Variants in SORCS3 observed in about 807,000 individuals in gnomAD.
SORCS3 encodes VPS10 domain-containing receptor SorCS3.
In SORCS3, 57 loss-of-function variants were observed where a neutral mutation model predicts 146.3. The ratio of observed to expected loss-of-function variants is 0.39; its 90% CI spans 0.31 to 0.49. The LOEUF (loss-of-function observed/expected upper bound fraction) is 0.49. SORCS3 is among the 20% of genes least tolerant of loss of function. The pLI is 0.92. For synonymous variants in SORCS3, 653 were observed against 618.5 expected (o/e 1.06, Z -0.83); for missense variants, 1,341 against 1,575.5 (o/e 0.85, Z 2.52).
intron 5 of SORCS3, among the ~76,000 whole-genome samples, chr10:105,076,026 G>T (rs925114838): frequency 1.3e-5 from 2 of 152,146 alleles, no homozygotes; most frequent in South Asian, 4.1e-4. Context: ...GTGCACATGT[G>T]TGCCTGTGTG....
chr10:105,153,214 T>G (rs2056180068), intron 9 of SORCS3, among the ~76,000 whole-genome samples: 1 of 152,136 alleles, frequency 6.6e-6, no homozygotes, highest in Non-Finnish European at 1.5e-5. Flanking sequence ...AATTATACAG[T>G]AGGTAACCTT....
At chr10:104,981,976 C>T (rs1327390210) in intron 4 of SORCS3, among the ~76,000 whole-genome samples, 1 of 152,130 alleles carries the variant, frequency 6.6e-6, no homozygotes, top group African/African-American at 2.4e-5. Context: ...TAGAATTGCC[C>T]ATAATTTTGA....
intron 1 of SORCS3, among the ~76,000 whole-genome samples, chr10:104,734,361 A>G (rs529079582): frequency 4.7e-4 from 71 of 152,324 alleles, no homozygotes; most frequent in Admixed American, 1.2e-3. Context: ...GGAGCTCTAG[A>G]AGAGAGCAAA....
chr10:105,207,471 G>C (rs190860519), intron 16 of SORCS3, among the ~76,000 whole-genome samples: 1 of 152,068 alleles, frequency 6.6e-6, no homozygotes, highest in Admixed American at 6.6e-5. Flanking sequence ...ATGTGTGTGT[G>C]TTTGCAGAAT....
intron 4 of SORCS3, among the ~76,000 whole-genome samples, chr10:105,003,669 C>T (rs779940882): frequency 1.3e-5 from 2 of 152,148 alleles, no homozygotes; most frequent in South Asian, 2.1e-4. Context: ...GCTTTTCCAG[C>T]GTCCTAGCAG....
intron 3 of SORCS3, among the ~76,000 whole-genome samples, chr10:104,961,683 G>T (rs1006453105): frequency 5.9e-5 from 9 of 152,306 alleles, no homozygotes; most frequent in Non-Finnish European, 1.0e-4. Flanking sequence ...TATGCAACTG[G>T]TAATGCCTTG....
chr10:105,261,450 G>T (rs1226194584), intron 25 of SORCS3, among the ~76,000 whole-genome samples: 1 of 152,190 alleles, frequency 6.6e-6, no homozygotes, highest in Non-Finnish European at 1.5e-5. Context: ...TGGCAGAATT[G>T]CAGAATCTCA....
At chr10:104,724,507 A>G (rs1453906529) in intron 1 of SORCS3, among the ~76,000 whole-genome samples, 1 of 151,824 alleles carries the variant, frequency 6.6e-6, no homozygotes, top group Non-Finnish European at 1.5e-5. Flanking sequence ...TATTTCCTGA[A>G]TCTGAATGTT....
chr10:105,249,404 C>A (rs2056886160), intron 22 of SORCS3, among the ~76,000 whole-genome samples: 1 of 152,122 alleles, frequency 6.6e-6, no homozygotes, highest in African/African-American at 2.4e-5. Flanking sequence ...GGGGACAAGG[C>A]AGACACACTG....
At chr10:105,133,115 AG>A (rs1431057770) in intron 7 of SORCS3, among the ~76,000 whole-genome samples, 6 of 152,178 alleles carry the variant, frequency 3.9e-5, no homozygotes, top group African/African-American at 1.4e-4. Context: ...CTGCCCCTGA[AG>A]GGCTGTGCGA....
chr10:104,919,239 T>A (rs1047880935), intron 3 of SORCS3, among the ~76,000 whole-genome samples: 16 of 152,212 alleles, frequency 1.1e-4, no homozygotes, highest in African/African-American at 3.6e-4. Flanking sequence ...TTTTGTTGTC[T>A]GGTCTGAGAA....
At chr10:104,773,550 A>C (rs2017275572) in intron 1 of SORCS3, among the ~76,000 whole-genome samples, 1 of 152,140 alleles carries the variant, frequency 6.6e-6, no homozygotes, top group South Asian at 2.1e-4. Flanking sequence ...TTACCAGCAC[A>C]CCACTGCCAG....
intron 7 of SORCS3, among the ~76,000 whole-genome samples, chr10:105,125,559 A>G (rs184075779): frequency 7.9e-5 from 12 of 152,182 alleles, no homozygotes; most frequent in African/African-American, 2.2e-4. Flanking sequence ...AGAACAACCT[A>G]CACTTTCTTA....
At chr10:104,763,738 C>T (rs557818076) in intron 1 of SORCS3, among the ~76,000 whole-genome samples, 1 of 152,150 alleles carries the variant, frequency 6.6e-6, no homozygotes, top group Non-Finnish European at 1.5e-5. Flanking sequence ...CCCAAAATCT[C>T]ATTTTGAATT....
chr10:104,706,067 G>A (rs767713572), intron 1 of SORCS3, among the ~76,000 whole-genome samples: 5 of 152,096 alleles, frequency 3.3e-5, no homozygotes, highest in Non-Finnish European at 5.9e-5. Flanking sequence ...GAGTGAGTAT[G>A]AAAGTCTCCC....
Position 105,201,130 on chromosome 10 carries a change from G to A in SORCS3, c.2138G>A (p.Cys713Tyr). The A allele has an allele frequency of 6.2e-7, 1 of 1,612,676 alleles. No homozygotes were observed. Among genetic ancestry groups the A allele is most frequent in the Non-Finnish European group, 8.5e-7 (1 of 1,179,302 alleles). ...TWHLLNQGEPCVMGERKIFKK... is the reference protein window; with the variant it reads ...TWHLLNQGEPYVMGERKIFKK... ...GAATTTCTCTCTAAGGGAGAGCCTT[G>A]TGTCATGGGAGAAAGGAAAATATTC... is the stretch of plus-strand genomic sequence containing the variant. Residue 713 changes from cysteine to tyrosine, a missense_variant, in exon 16 of 27, where the codon TGT (cysteine) becomes TAT (tyrosine). Coordinates refer to ENST00000369701, the MANE Select transcript of SORCS3 (RefSeq NM_014978.3).
At chr10:105,141,277 A>G (rs1191378773) in intron 8 of SORCS3, among the ~76,000 whole-genome samples, 4 of 152,088 alleles carry the variant, frequency 2.6e-5, no homozygotes, top group Non-Finnish European at 5.9e-5. Flanking sequence ...TCCCTTTTAT[A>G]GAGCCTCATC....
intron 9 of SORCS3, 102 bp from the exon 10 acceptor site, chr10:105,157,036 C>T (rs1275250549): frequency 1.5e-5 from 20 of 1,356,256 alleles, no homozygotes; most frequent in Non-Finnish European, 2.0e-5. Context: ...TGCTTGGAAC[C>T]CCAACATGCC....
At chr10:104,769,595 AG>A (rs1405456497) in intron 1 of SORCS3, among the ~76,000 whole-genome samples, 1 of 152,034 alleles carries the variant, frequency 6.6e-6, no homozygotes, top group South Asian at 2.1e-4. Flanking sequence ...ACCTAAAGGG[AG>A]GGGGGAATTT....
Sources: allele counts gnomAD v4.1 joint callset (sites outside exome capture counted in the v4.1 genomes callset), GRCh38; gene constraint gnomAD v4.1.1; transcripts MANE v1.5; gene names NCBI Gene and HGNC (gene_info 2026-07-23, HGNC 2026-07-21).